Variants in SCML2 observed in about 807,000 individuals in gnomAD.
The protein encoded by SCML2 is Scm polycomb group protein like 2.
SCML2 carries 6 observed loss-of-function variants against 48.4 expected under a neutral mutation model. The ratio of observed to expected loss-of-function variants is 0.12; its 90% confidence interval spans 0.07 to 0.24. The LOEUF is 0.24. Ranked by LOEUF, SCML2 falls within the 10% of genes least tolerant of loss-of-function variation. The pLI is 1.00. For synonymous variants in SCML2, 181 were observed against 189.5 expected (o/e 0.95, Z 0.37); for missense variants, 377 against 528.2 (o/e 0.71, Z 2.81).
chrX:18,353,869 G>A (rs1930451458), intron 1 of SCML2, among the ~76,000 whole-genome samples: 1 of 113,250 alleles, frequency 8.8e-6, no homozygotes, highest in Admixed American at 9.2e-5. Context: ...GAAAAAGCGA[G>A]AAAGGTAAGA....
chrX:18,262,900 G>A (rs1927122929), intron 8 of SCML2, among the ~76,000 whole-genome samples: 1 of 107,392 alleles, frequency 9.3e-6, no homozygotes. Flanking sequence ...ATTTTGTGTA[G>A]AGATGGGGTT....
intron 6 of SCML2, among the ~76,000 whole-genome samples, chrX:18,307,320 T>C: frequency 9.1e-6 from 1 of 109,671 alleles, no homozygotes; most frequent in Non-Finnish European, 1.9e-5. Context: ...AGCTGGCAAG[T>C]CAAAAGGTAG....
chrX:18,290,796 AAAATT>A (rs1311989331), intron 7 of SCML2, among the ~76,000 whole-genome samples: 5 of 111,674 alleles, frequency 4.5e-5, no homozygotes, highest in Admixed American at 3.8e-4. Context: ...AGATTTTAAA[AAAATT>A]TTTCACATAG....
At chrX:18,268,739 C>T (rs1927343754) in intron 7 of SCML2, among the ~76,000 whole-genome samples, 2 of 106,756 alleles carry the variant, frequency 1.9e-5, no homozygotes, top group Admixed American at 1.0e-4. Flanking sequence ...GCACACTGTG[C>T]ACATGTACCC....
chrX:18,337,664 T>C (rs745636885), intron 1 of SCML2, among the ~76,000 whole-genome samples: 1 of 111,731 alleles, frequency 9.0e-6, no homozygotes, highest in South Asian at 3.7e-4. Flanking sequence ...AATCCACTAT[T>C]ATAGTAGGAG....
chrX:18,328,197 G>C (rs1391281739), intron 3 of SCML2, among the ~76,000 whole-genome samples: 2 of 111,368 alleles, frequency 1.8e-5, no homozygotes, highest in Admixed American at 1.9e-4. Context: ...GTCTTCTCTA[G>C]AGTAAATCAG....
At chrX:18,273,436 T>C (rs939015367) in intron 7 of SCML2, among the ~76,000 whole-genome samples, 24 of 111,671 alleles carry the variant, frequency 2.1e-4, no homozygotes, top group African/African-American at 7.8e-4. Flanking sequence ...TTTCCAAAAG[T>C]AGAATTCATT....
chrX:18,313,940 G>T (rs1292023321), intron 6 of SCML2, among the ~76,000 whole-genome samples: 3 of 111,279 alleles, frequency 2.7e-5, no homozygotes, highest in Non-Finnish European at 5.6e-5. Flanking sequence ...GCGAGATCAT[G>T]GCTCATGGCA....
chrX:18,334,076 T>C lies in SCML2; in HGVS notation c.-5A>G, dbSNP rs764537220. ...TTCATTCACTGTTTGTCCCATGGTA[T>C]CCCTATTTGGTGTTGTTTCCTACAA... is the stretch of plus-strand genomic sequence containing the variant. On this transcript the variant is annotated 5_prime_UTR_variant, in exon 2 of 15. Transcript: ENST00000251900. The C allele has an allele frequency of 5.9e-6, 7 of 1,193,956 alleles. No homozygotes were observed. The South Asian group carries it at 1.1e-4, about 19-fold the overall frequency.
chrX:18,279,194 T>C (rs1486278940), intron 7 of SCML2, among the ~76,000 whole-genome samples: 1 of 112,862 alleles, frequency 8.9e-6, no homozygotes, highest in Non-Finnish European at 1.9e-5. Context: ...GGATGGGTAC[T>C]AACCTAACAA....
chrX:18,279,791 G>C (rs1215622510), intron 7 of SCML2, among the ~76,000 whole-genome samples: 1 of 111,779 alleles, frequency 8.9e-6, no homozygotes, highest in Non-Finnish European at 1.9e-5. Context: ...CTACTTCTTT[G>C]AATCAACTCA....
chrX:18,297,543 G>A (rs906746643), intron 7 of SCML2, among the ~76,000 whole-genome samples: 1 of 111,539 alleles, frequency 9.0e-6, no homozygotes, highest in African/African-American at 3.3e-5. Flanking sequence ...AAAAACCTAA[G>A]GACTCCACCA....
chrX:18,242,761 C>CTA (rs1303503217), intron 13 of SCML2, among the ~76,000 whole-genome samples, 171 bp from the exon 14 acceptor site: 1 of 111,643 alleles, frequency 9.0e-6, no homozygotes, highest in Non-Finnish European at 1.9e-5. Flanking sequence ...GTGAGGATGG[C>CTA]TACATAAGAG....
intron 8 of SCML2, among the ~76,000 whole-genome samples, chrX:18,261,955 T>A (rs1434324030): frequency 9.1e-6 from 1 of 110,309 alleles, no homozygotes; most frequent in Non-Finnish European, 1.9e-5. Flanking sequence ...TTGAAATATT[T>A]AGCTTTGACT....
At chrX:18,316,289 T>A (rs1252632090) in intron 6 of SCML2, among the ~76,000 whole-genome samples, 1 of 111,753 alleles carries the variant, frequency 8.9e-6, no homozygotes, top group Non-Finnish European at 1.9e-5. Flanking sequence ...CTCGGGAGGC[T>A]GAGGCACAGG....
chrX:18,270,342 T>A (rs1298549331), intron 7 of SCML2, among the ~76,000 whole-genome samples: 7 of 111,445 alleles, frequency 6.3e-5, no homozygotes, highest in African/African-American at 2.3e-4. Context: ...TTTTTACATA[T>A]GAACAAAATT....
At chrX:18,313,014 T>C (rs201262171) in intron 6 of SCML2, among the ~76,000 whole-genome samples, 3,439 of 71,351 alleles carry the variant, frequency 0.048, 111 homozygotes, top group African/African-American at 0.17. Context: ...TGTGCGCGTG[T>C]GTGTGTGTAT....
intron 7 of SCML2, among the ~76,000 whole-genome samples, chrX:18,295,429 C>T (rs748201971): frequency 4.4e-4 from 50 of 112,403 alleles, no homozygotes; most frequent in African/African-American, 1.5e-3. Flanking sequence ...TCATCTCAGC[C>T]AGCACCCACT....
chrX:18,332,350 T>G (rs1929684531), intron 2 of SCML2, among the ~76,000 whole-genome samples: 1 of 112,392 alleles, frequency 8.9e-6, no homozygotes, highest in Admixed American at 9.5e-5. Context: ...TAAACATACT[T>G]GTGTTGCTAT....
Sources: allele counts gnomAD v4.1 joint callset (sites outside exome capture counted in the v4.1 genomes callset), GRCh38; gene constraint gnomAD v4.1.1; transcripts MANE v1.5; gene names NCBI Gene and HGNC (gene_info 2026-07-23, HGNC 2026-07-21).